Variants in PRPF3 observed in about 807,000 individuals in gnomAD.
The protein encoded by PRPF3 is pre-mRNA processing factor 3.
A neutral mutation model predicts 89.2 loss-of-function variants in PRPF3; 3 were observed. That is an observed-to-expected ratio of 0.03 (90% confidence interval 0.02 to 0.09). PRPF3 has a LOEUF of 0.09. Ranked by LOEUF, PRPF3 falls within the 10% of genes least tolerant of loss-of-function variation. The probability of loss-of-function intolerance (pLI) is 1.00; values close to 1 mark genes in which losing one functional copy is unlikely to be tolerated. For synonymous variants in PRPF3, 270 were observed against 289.1 expected (o/e 0.93, Z 0.67); for missense variants, 463 against 828.8 (o/e 0.56, Z 5.42).
rs201623637 is a variant in PRPF3 at position 150,343,237 on chromosome 1, GA to G, written c.1283-60del. ...AACCTGGGTGACAGAGTGAGAGAGA[GA>G]AAAAAAAAAAATATATATATATATA... On this transcript the variant is annotated intron_variant, in intron 9 of 15. Coordinates refer to ENST00000324862, the MANE Select transcript of PRPF3 (RefSeq NM_004698.4). The G allele has an allele frequency of 0.15, 119,726 of 824,754 alleles. 6,689 individuals carry two copies. The highest frequency in any genetic ancestry group is 0.45 in the East Asian group (6,386 of 14,270). 51.1% of individuals were successfully genotyped at this position (824,754 alleles called of 1,614,324 possible).
intron 12 of PRPF3, 40 bp from the exon 13 acceptor site, chr1:150,345,978 T>G: frequency 6.7e-7 from 1 of 1,499,694 alleles, no homozygotes; most frequent in East Asian, 2.3e-5. Flanking sequence ...CAGCTGCTGA[T>G]GCTAAAATGG....
At chr1:150,326,095 C>T (rs1655679240) in intron 3 of PRPF3, among the ~76,000 whole-genome samples, 1 of 152,158 alleles carries the variant, frequency 6.6e-6, no homozygotes, top group Non-Finnish European at 1.5e-5. Context: ...AAATAATTGG[C>T]AGCTTTGTCT....
At position 150,332,973 on chromosome 1, in the gene PRPF3, T is replaced by A. The variant is rs587615576; in HGVS notation, c.508-6T>A. 1 of 1,610,672 alleles carries A rather than the reference T, an allele frequency of 6.2e-7. No homozygotes were observed. Among genetic ancestry groups the A allele is most frequent in the South Asian group, 1.1e-5 (1 of 91,022 alleles). On this transcript the variant is annotated splice_polypyrimidine_tract_variant and splice_region_variant and intron_variant, in intron 5 of 15. Transcript: ENST00000324862. ...TTCCTCTGATTTCTTTTTCTCTATC[T>A]CACAGCCAAAGACTCCTTCTTCCTC...
chr1:150,331,125 C>T (rs1184677445), intron 4 of PRPF3, among the ~76,000 whole-genome samples: 1 of 152,196 alleles, frequency 6.6e-6, no homozygotes, highest in Non-Finnish European at 1.5e-5. Flanking sequence ...GCAACGTCCG[C>T]CTCCTGGGTT....
chr1:150,338,397 C>A, intron 8 of PRPF3, 71 bp downstream of exon 8: 1 of 1,451,324 alleles, frequency 6.9e-7, no homozygotes, highest in East Asian at 2.3e-5. Flanking sequence ...AAGTTAATAC[C>A]TTTTAGTAAA....
intron 3 of PRPF3, chr1:150,327,458 G>A (rs1425450339): frequency 1.7e-5 from 6 of 359,320 alleles, no homozygotes; most frequent in Non-Finnish European, 1.9e-5. Flanking sequence ...CTTGAAGGAG[G>A]TGTCTAGATA....
intron 4 of PRPF3, among the ~76,000 whole-genome samples, chr1:150,331,278 C>G (rs1027464531): frequency 4.6e-5 from 7 of 152,052 alleles, no homozygotes; most frequent in Non-Finnish European, 1.0e-4. Flanking sequence ...ACCTCGTGAT[C>G]CACCTGCCTC....
chr1:150,342,074 A>G (rs1657802156), intron 9 of PRPF3, among the ~76,000 whole-genome samples: 1 of 152,028 alleles, frequency 6.6e-6, no homozygotes, highest in Admixed American at 6.6e-5. Context: ...GAAAACAACT[A>G]AGAACACTAC....
chr1:150,340,755 G>A (rs1167157337), intron 9 of PRPF3, among the ~76,000 whole-genome samples: 3 of 152,010 alleles, frequency 2.0e-5, no homozygotes, highest in Non-Finnish European at 4.4e-5. Context: ...CAAGGCAGGA[G>A]GATTGCTTGA....
Position 150,324,878 on chromosome 1 carries a change from C to G in PRPF3, c.-48-17C>G. 1 of 640,348 alleles carries G rather than the reference C, an allele frequency of 1.6e-6. No homozygotes were observed. Among genetic ancestry groups the G allele is most frequent in the South Asian group, 1.7e-5 (1 of 58,398 alleles). The allele number at this position is 640,348 out of a possible 1,614,324, so 39.7% of individuals were successfully genotyped here. A position where few individuals can be genotyped will look rare whatever the true frequency, so the allele number is the denominator to read the frequency against. On this transcript the variant is annotated splice_polypyrimidine_tract_variant and intron_variant, in intron 1 of 15. Coordinates refer to ENST00000324862, the MANE Select transcript of PRPF3 (RefSeq NM_004698.4). ...AGTCTTTTCTTATTCTCTAACTTGT[C>G]TCTTTTTTTTTTTTAGGTGTAGTAT...
intron 1 of PRPF3, among the ~76,000 whole-genome samples, chr1:150,323,980 C>A (rs1449019459): frequency 6.6e-6 from 1 of 151,906 alleles, no homozygotes; most frequent in African/African-American, 2.4e-5. Context: ...GGGGTTTCAC[C>A]ATCTTGGCCA....
At chr1:150,329,748 A>C (rs1417210284) in intron 4 of PRPF3, 2 of 152,168 alleles carry the variant, frequency 1.3e-5, no homozygotes, top group Admixed American at 6.6e-5. Context: ...TATTTACAGA[A>C]GGAAAGAAAT....
chr1:150,350,699 G>A (rs1168540967), intron 15 of PRPF3, among the ~76,000 whole-genome samples: 2 of 152,092 alleles, frequency 1.3e-5, no homozygotes, highest in Non-Finnish European at 2.9e-5. Flanking sequence ...AGTGGCTCAC[G>A]CCTATAATCC....
chr1:150,331,833 A>C (rs782467700), intron 4 of PRPF3, among the ~76,000 whole-genome samples: 5 of 152,198 alleles, frequency 3.3e-5, no homozygotes, highest in Non-Finnish European at 5.9e-5. Context: ...TCTTTAGGAC[A>C]GAAGGGGTTT....
chr1:150,347,010 G>C (rs1386045758), intron 14 of PRPF3, among the ~76,000 whole-genome samples: 1 of 152,120 alleles, frequency 6.6e-6, no homozygotes, highest in Non-Finnish European at 1.5e-5. Flanking sequence ...AGGATCACTT[G>C]AGCTTGGGGA....
In PRPF3 at chr1:150,324,880, C is replaced by CTCTTT; in HGVS notation, c.-48-14_-48-13insCTTTT. 2.2e-6 allele frequency: 3 copies of CTCTTT among 1,343,006 alleles called. No individual in the cohort carries two copies. The highest frequency in any genetic ancestry group is 2.2e-5 in the Admixed American group (1 of 45,758). The allele number at this position is 1,343,006 out of a possible 1,614,324, so 83.2% of individuals were successfully genotyped here. On this transcript the variant is annotated splice_polypyrimidine_tract_variant and intron_variant, in intron 1 of 15. Transcript: ENST00000324862. The stretch of plus-strand genomic sequence containing the variant: ...TCTTTTCTTATTCTCTAACTTGTCT[C>CTCTTT]TTTTTTTTTTTTAGGTGTAGTATTG...
At chr1:150,333,621 A>C (rs2101973474) in intron 6 of PRPF3, among the ~76,000 whole-genome samples, 1 of 152,212 alleles carries the variant, frequency 6.6e-6, no homozygotes, top group East Asian at 1.9e-4. Context: ...ATCATTTCTC[A>C]CAGTTTCATA....
At chr1:150,338,748 C>T (rs1553869044) in intron 8 of PRPF3, among the ~76,000 whole-genome samples, 1 of 152,116 alleles carries the variant, frequency 6.6e-6, no homozygotes, top group African/African-American at 2.4e-5. Context: ...CTCCTGACCT[C>T]AGGTGATCCG....
In PRPF3 at chr1:150,353,131, C is replaced by CTGAGTCA; in HGVS notation, c.*153_*159dup. 1.0e-6 allele frequency: 1 copy of CTGAGTCA among 966,190 alleles called. No homozygotes were observed. 59.9% of individuals were successfully genotyped at this position (966,190 alleles called of 1,614,324 possible). On this transcript the variant is annotated 3_prime_UTR_variant, in exon 16 of 16. Transcript: ENST00000324862. ...AAAGGGAGAATATCTTGCTCCCCTCCTGAGTCAGCCTGGTGTTGCCCTTTA... is the reference window on the plus strand; with the variant it reads ...AAAGGGAGAATATCTTGCTCCCCTCCTGAGTCATGAGTCAGCCTGGTGTTGCCCTTTA...
Sources: allele counts gnomAD v4.1 joint callset (sites outside exome capture counted in the v4.1 genomes callset), GRCh38; gene constraint gnomAD v4.1.1; transcripts MANE v1.5; gene names NCBI Gene and HGNC (gene_info 2026-07-23, HGNC 2026-07-21).